SPOCK3: variants seen among roughly 807,000 people sequenced by gnomAD.
SPOCK3 encodes the protein SPARC (osteonectin), cwcv and kazal like domains proteoglycan 3, also known as testican-3.
SPOCK3 carries 30 observed loss-of-function variants against 56.6 expected under a neutral mutation model. The ratio of observed to expected loss-of-function variants is 0.53; its 90% confidence interval spans 0.40 to 0.72. The LOEUF is 0.72. SPOCK3 is among the 30% of genes least tolerant of loss of function. The pLI is 0.00. For missense variants in SPOCK3, 527 were observed against 530.0 expected, an observed-to-expected ratio of 0.99 and a Z score of 0.06; for synonymous variants, 196 against 183.3, an observed-to-expected ratio of 1.07 and a Z score of -0.56.
chr4:166,877,771 C>T (rs775890116), intron 6 of SPOCK3, among the ~76,000 whole-genome samples: 1 of 152,022 alleles, frequency 6.6e-6, no homozygotes, highest in Admixed American at 6.5e-5. Flanking sequence ...AACTTCATTA[C>T]AAGTGATTTT....
intron 2 of SPOCK3, among the ~76,000 whole-genome samples, chr4:167,204,504 A>G (rs1733836111): frequency 6.6e-6 from 1 of 152,038 alleles, no homozygotes; most frequent in Non-Finnish European, 1.5e-5. Flanking sequence ...AAACCATCAG[A>G]TCTCATGAGC....
intron 3 of SPOCK3, among the ~76,000 whole-genome samples, chr4:167,052,650 G>T (rs974611835): frequency 6.6e-6 from 1 of 152,066 alleles, no homozygotes; most frequent in African/African-American, 2.4e-5. Flanking sequence ...AATGCCAAAA[G>T]TCCCTAAGCT....
intron 5 of SPOCK3, among the ~76,000 whole-genome samples, chr4:166,891,719 A>C (rs539619508): frequency 3.4e-4 from 52 of 152,170 alleles, no homozygotes; most frequent in Non-Finnish European, 4.7e-4. Context: ...ATAACTTCAA[A>C]TTTAATATTC....
intron 6 of SPOCK3, among the ~76,000 whole-genome samples, chr4:166,828,244 C>T (rs149392329): frequency 2.0e-5 from 3 of 152,034 alleles, no homozygotes; most frequent in Admixed American, 6.6e-5. Flanking sequence ...TAGAAAACAA[C>T]TAGTCACAGT....
At position 167,093,342 on chromosome 4, in the gene SPOCK3, T is replaced by C. The variant is rs187367502; in HGVS notation, c.190-30805A>G. On this transcript the variant is annotated intron_variant, in intron 2 of 10. Coordinates refer to ENST00000357545, the MANE Select transcript of SPOCK3 (RefSeq NM_001040159.2). ...AAGTTCAGGATACATGTGCAGAACA[T>C]GCAGGTTTGTTACATAGGTATACAT... is the stretch of plus-strand genomic sequence containing the variant. 5.3e-5 allele frequency among the ~76,000 whole-genome samples: 8 copies of C among 152,272 alleles called. No homozygotes were observed. In the East Asian group the frequency reaches 1.5e-3, roughly 29 times the overall value.
At chr4:166,765,618 C>T (rs1053915925) in intron 7 of SPOCK3, among the ~76,000 whole-genome samples, 2 of 152,226 alleles carry the variant, frequency 1.3e-5, no homozygotes, top group East Asian at 1.9e-4. Context: ...AGTCAGGTAG[C>T]GTGATGCCTC....
chr4:167,066,859 C>G (rs968444320), intron 2 of SPOCK3, among the ~76,000 whole-genome samples: 1 of 151,852 alleles, frequency 6.6e-6, no homozygotes, highest in African/African-American at 2.4e-5. Context: ...TATGGAGAAG[C>G]TAGTTTCCTG....
chr4:167,170,360 G>A (rs71620421), intron 2 of SPOCK3, among the ~76,000 whole-genome samples: 3,305 of 151,598 alleles, frequency 0.022, 54 homozygotes, highest in Non-Finnish European at 0.037. Context: ...AATGCACCAG[G>A]TGCTGACAGT....
chr4:166,781,736 C>G (rs1740196866), intron 7 of SPOCK3, among the ~76,000 whole-genome samples: 2 of 151,848 alleles, frequency 1.3e-5, no homozygotes, highest in African/African-American at 4.8e-5. Context: ...GATGCACCAT[C>G]GTCAAACTGT....
intron 6 of SPOCK3, among the ~76,000 whole-genome samples, chr4:166,833,027 C>T (rs992043777): frequency 1.2e-4 from 19 of 152,226 alleles, no homozygotes; most frequent in African/African-American, 4.6e-4. Context: ...ATGTAATAAA[C>T]CTGCACATGT....
intron 6 of SPOCK3, among the ~76,000 whole-genome samples, chr4:166,844,204 A>C (rs1747815497): frequency 6.6e-6 from 1 of 152,216 alleles, no homozygotes; most frequent in African/African-American, 2.4e-5. Context: ...TGGCTACCTG[A>C]GTTCAAATTC....
At chr4:166,840,252 C>T (rs1308304931) in intron 6 of SPOCK3, among the ~76,000 whole-genome samples, 1 of 151,990 alleles carries the variant, frequency 6.6e-6, no homozygotes, top group African/African-American at 2.4e-5. Context: ...CCCTACACAG[C>T]ATTTTTTCAT....
intron 6 of SPOCK3, among the ~76,000 whole-genome samples, chr4:166,841,022 C>T (rs556489757): frequency 2.9e-4 from 44 of 152,086 alleles, no homozygotes; most frequent in African/African-American, 1.0e-3. Context: ...TCATGATCCG[C>T]CAGCCTCAGC....
intron 4 of SPOCK3, among the ~76,000 whole-genome samples, chr4:166,997,017 T>C (rs972981789): frequency 6.6e-6 from 1 of 152,164 alleles, no homozygotes; most frequent in East Asian, 1.9e-4. Flanking sequence ...TTCAGGGATA[T>C]GGATGGAGCT....
At chr4:166,896,480 A>G (rs1453775132) in intron 5 of SPOCK3, among the ~76,000 whole-genome samples, 2 of 152,120 alleles carry the variant, frequency 1.3e-5, no homozygotes, top group Non-Finnish European at 2.9e-5. Flanking sequence ...ATGCTTAAGC[A>G]GAACAAAGGA....
intron 2 of SPOCK3, among the ~76,000 whole-genome samples, chr4:167,081,625 G>T (rs981498065): frequency 6.6e-6 from 1 of 152,026 alleles, no homozygotes; most frequent in African/African-American, 2.4e-5. Flanking sequence ...TAAAATCTCT[G>T]TCTGGAGAAT....
At chr4:167,036,844 G>A (rs1305932240) in intron 3 of SPOCK3, among the ~76,000 whole-genome samples, 1 of 151,620 alleles carries the variant, frequency 6.6e-6, no homozygotes, top group East Asian at 1.9e-4. Flanking sequence ...CTCTAACGCT[G>A]TTATATCAAC....
rs191990955 is a variant in SPOCK3, at chr4:166,825,600, G to A, written c.590-33311C>T. The stretch of plus-strand genomic sequence containing the variant: ...ACACCTGCACATTCATGTTTATAGC[G>A]GCACAATTCACAATTGCAAAAACAT... On this transcript the variant is annotated intron_variant, in intron 6 of 10. Coordinates refer to ENST00000357545, the MANE Select transcript of SPOCK3 (RefSeq NM_001040159.2). 7.4e-4 allele frequency among the ~76,000 whole-genome samples: 112 copies of A among 151,996 alleles called. 1 individual carries two copies. Among genetic ancestry groups the A allele is most frequent in the African/African-American group, 2.3e-3 (95 of 41,480 alleles).
intron 4 of SPOCK3, among the ~76,000 whole-genome samples, chr4:166,946,698 T>G (rs1741800726): frequency 6.6e-6 from 1 of 150,600 alleles, no homozygotes; most frequent in South Asian, 2.1e-4. Context: ...TGTATAGCAC[T>G]TGGTCCTTTA....
Sources: gnomAD v4.1 joint callset for allele counts (sites outside exome capture counted in the v4.1 genomes callset) on GRCh38, gnomAD v4.1.1 for gene constraint, MANE v1.5 for transcripts, NCBI Gene and HGNC (gene_info 2026-07-23, HGNC 2026-07-21) for gene names.